FBXL4: variants seen among roughly 807,000 people sequenced by gnomAD.
FBXL4 encodes F-box/LRR-repeat protein 4.
FBXL4 carries 40 observed loss-of-function variants against 58.9 expected under a neutral mutation model. The observed-to-expected ratio is 0.68, with a 90% CI of 0.53 to 0.88. FBXL4 has a LOEUF of 0.88. Ranked by LOEUF, FBXL4 falls within the 40% of genes least tolerant of loss-of-function variation. The pLI, the probability that FBXL4 is intolerant of heterozygous loss-of-function variation, is 0.00. For synonymous variants in FBXL4, 263 were observed against 265.5 expected (o/e 0.99, Z 0.09); for missense variants, 676 against 734.4 (o/e 0.92, Z 0.92).
At chr6:98,880,685 A>G in intron 7 of FBXL4, 61 bp from the exon 8 acceptor site, 1 of 1,411,128 alleles carries the variant, frequency 7.1e-7, no homozygotes. Context: ...AAACAAAGAG[A>G]AGAGGTCAAT....
intron 7 of FBXL4, among the ~76,000 whole-genome samples, chr6:98,884,477 C>T (rs922327790): frequency 2.0e-5 from 3 of 152,154 alleles, no homozygotes; most frequent in Admixed American, 1.3e-4. Context: ...AGCTAGACTT[C>T]GAATTTTCAG....
intron 6 of FBXL4, among the ~76,000 whole-genome samples, chr6:98,904,977 G>T (rs1314562543): frequency 6.6e-6 from 1 of 152,170 alleles, no homozygotes; most frequent in Non-Finnish European, 1.5e-5. Flanking sequence ...TAGTTTAAAT[G>T]AGCTTCTAAA....
chr6:98,876,000 C>G (rs1562214404), intron 8 of FBXL4, among the ~76,000 whole-genome samples: 1 of 152,136 alleles, frequency 6.6e-6, no homozygotes. Context: ...TCTTCAGTCT[C>G]TCATGAAGAA....
At chr6:98,879,791 A>T (rs963918894) in intron 8 of FBXL4, among the ~76,000 whole-genome samples, 1 of 151,892 alleles carries the variant, frequency 6.6e-6, no homozygotes, top group South Asian at 2.1e-4. Flanking sequence ...AAATACAAAA[A>T]AATTAGCCGG....
chr6:98,937,252 G>C (rs1773255038), intron 1 of FBXL4, among the ~76,000 whole-genome samples: 1 of 151,928 alleles, frequency 6.6e-6, no homozygotes, highest in South Asian at 2.1e-4. Flanking sequence ...AGAGGTTGCA[G>C]TGAGCCGAGA....
Position 98,873,959 on chromosome 6 carries a change from C to T in FBXL4, c.*319G>A, listed in dbSNP as rs9492614. 2,757 of 182,932 alleles carry T rather than the reference C, an allele frequency of 0.015. 78 individuals are homozygous for T. The highest frequency in any genetic ancestry group is 0.061 in the African/African-American group (2,611 of 42,548). 11.3% of individuals were successfully genotyped at this position (182,932 alleles called of 1,614,324 possible). On this transcript the variant is annotated 3_prime_UTR_variant, in exon 10 of 10. Transcript: ENST00000369244. ...GCATAAATGCCACGATACTTTATTG[C>T]TCAGTGTTCCTTTGAAAATAAGTTA... is the stretch of plus-strand genomic sequence containing the variant.
chr6:98,920,104 T>G (rs1277469123), intron 4 of FBXL4, among the ~76,000 whole-genome samples: 6 of 152,148 alleles, frequency 3.9e-5, no homozygotes, highest in Non-Finnish European at 1.5e-5. Context: ...TCTTCATGTA[T>G]AATTTGAAAT....
chr6:98,928,110 T>A (rs1772861142), intron 2 of FBXL4, among the ~76,000 whole-genome samples: 1 of 152,218 alleles, frequency 6.6e-6, no homozygotes, highest in African/African-American at 2.4e-5. Context: ...AAATTTGATC[T>A]AGTTTGTAAC....
chr6:98,927,214 T>G (rs1269524513), intron 3 of FBXL4, among the ~76,000 whole-genome samples, 154 bp from the exon 4 acceptor site: 1 of 152,150 alleles, frequency 6.6e-6, no homozygotes, highest in Non-Finnish European at 1.5e-5. Flanking sequence ...CTGGTATAAA[T>G]AAATTTTCTA....
intron 8 of FBXL4, among the ~76,000 whole-genome samples, chr6:98,877,702 A>G (rs908301454): frequency 4.6e-5 from 7 of 152,200 alleles, no homozygotes; most frequent in Admixed American, 3.9e-4. Context: ...ACTATCAGCA[A>G]GAATTTAAGT....
At chr6:98,889,838 T>C (rs1771164973) in intron 7 of FBXL4, among the ~76,000 whole-genome samples, 2 of 152,184 alleles carry the variant, frequency 1.3e-5, no homozygotes, top group African/African-American at 4.8e-5. Flanking sequence ...AAGAAATTTA[T>C]TAATAGATAA....
chr6:98,887,186 A>G (rs2128383056), intron 7 of FBXL4, among the ~76,000 whole-genome samples: 1 of 152,312 alleles, frequency 6.6e-6, no homozygotes, highest in African/African-American at 2.4e-5. Context: ...AGACTGCTTG[A>G]GACCAGGAGG....
At chr6:98,946,771 T>C (rs1297377987) in intron 1 of FBXL4, among the ~76,000 whole-genome samples, 1 of 152,166 alleles carries the variant, frequency 6.6e-6, no homozygotes, top group East Asian at 1.9e-4. Context: ...CAAGGAACTT[T>C]TAGAGTGCCT....
At chr6:98,889,015 A>T (rs1389440256) in intron 7 of FBXL4, among the ~76,000 whole-genome samples, 2 of 152,256 alleles carry the variant, frequency 1.3e-5, no homozygotes, top group Non-Finnish European at 2.9e-5. Context: ...TGGAAGAGTA[A>T]ACACATAATT....
Position 98,918,441 on chromosome 6 carries a change from T to C in FBXL4, c.513-722A>G, listed in dbSNP as rs1434793532. On this transcript the variant is annotated intron_variant, in intron 4 of 9. Transcript: ENST00000369244. ...CACCTTTATGTCTTTGCTCGTGTTA[T>C]CTTCCTCCCCATGAAATGCCCAACC... Among the ~76,000 whole-genome samples the C allele has an allele frequency of 1.6e-4, 25 of 152,164 alleles. 1 individual carries two copies. Among genetic ancestry groups the C allele is most frequent in the Non-Finnish European group, 2.9e-5 (2 of 68,006 alleles).
intron 4 of FBXL4, among the ~76,000 whole-genome samples, chr6:98,918,293 T>C (rs1039380533): frequency 6.6e-6 from 1 of 152,200 alleles, no homozygotes; most frequent in African/African-American, 2.4e-5. Context: ...GTTATCCTTA[T>C]ATCCTTAGTA....
At chr6:98,874,633 TTCC>T (rs1282549172) in intron 9 of FBXL4, among the ~76,000 whole-genome samples, 192 bp from the exon 10 acceptor site, 1 of 152,190 alleles carries the variant, frequency 6.6e-6, no homozygotes, top group African/African-American at 2.4e-5. Context: ...AAGTTGAATT[TTCC>T]AGCCAATTTA....
At chr6:98,943,291 G>A (rs1345129265) in intron 1 of FBXL4, among the ~76,000 whole-genome samples, 1 of 151,504 alleles carries the variant, frequency 6.6e-6, no homozygotes, top group African/African-American at 2.4e-5. Flanking sequence ...CAAAATTCCA[G>A]GCCGGGCACA....
intron 7 of FBXL4, chr6:98,896,654 T>C: frequency 3.9e-6 from 2 of 510,586 alleles, no homozygotes; most frequent in Non-Finnish European, 5.0e-6. Flanking sequence ...TTCTACATAT[T>C]CAATGTCAGA....
Sources: gnomAD v4.1 joint callset for allele counts (sites outside exome capture counted in the v4.1 genomes callset) on GRCh38, gnomAD v4.1.1 for gene constraint, MANE v1.5 for transcripts, NCBI Gene and HGNC (gene_info 2026-07-23, HGNC 2026-07-21) for gene names.